The following RC3H1 variants were observed in gnomAD, a reference collection of about 807,000 sequenced individuals.
The protein encoded by RC3H1 is ring finger and CCCH-type domains 1.
Under a neutral mutation model 138.2 loss-of-function variants are expected in RC3H1, and 50 were observed. The observed-to-expected ratio is 0.36, with a 90% CI of 0.29 to 0.46. RC3H1 has a LOEUF of 0.46. Ranked by LOEUF, RC3H1 falls within the 20% of genes least tolerant of loss-of-function variation. RC3H1 has a pLI of 1.00. For synonymous variants in RC3H1, 462 were observed against 489.1 expected, an observed-to-expected ratio of 0.94 and a Z score of 0.73; for missense variants, 1,031 against 1,388.1, an observed-to-expected ratio of 0.74 and a Z score of 4.09.
intron 18 of RC3H1, among the ~76,000 whole-genome samples, chr1:173,941,826 A>G (rs56247945): frequency 0.4 from 59,855 of 151,224 alleles, 16,923 homozygotes; most frequent in African/African-American, 0.79. Context: ...CAGCTACTCA[A>G]GAGGCTGAGG....
At chr1:174,017,377 TAA>T (rs200702066) in intron 1 of RC3H1, among the ~76,000 whole-genome samples, 1,865 of 152,294 alleles carry the variant, frequency 0.012, 40 homozygotes, top group African/African-American at 0.041. Flanking sequence ...TTTTCTTCCA[TAA>T]AGAGTCCCTG....
chr1:173,967,496 T>C (rs1048394625), intron 9 of RC3H1, among the ~76,000 whole-genome samples: 12 of 152,204 alleles, frequency 7.9e-5, no homozygotes, highest in Non-Finnish European at 8.8e-5. Flanking sequence ...CAAAACCTCA[T>C]CAAATACTGG....
chr1:173,961,656 T>A lies in RC3H1; in HGVS notation c.2202+69A>T, dbSNP rs760269760. On this transcript the variant is annotated intron_variant, in intron 12 of 19. Transcript: ENST00000367696. Reference sequence around the variant, plus strand: ...TCATCAAAGGGTTATTGTCATTGCATAAAAAGTAAGGAATCACAGCAAGCA... The same window carrying A: ...TCATCAAAGGGTTATTGTCATTGCAAAAAAAGTAAGGAATCACAGCAAGCA... 4.2e-5 allele frequency: 59 copies of A among 1,417,374 alleles called. No homozygotes were observed. In the Middle Eastern group the frequency reaches 2.9e-3, roughly 70 times the overall value. The allele number at this position is 1,417,374 out of a possible 1,614,324, so 87.8% of individuals were successfully genotyped here. A position where few individuals can be genotyped will look rare whatever the true frequency, so the allele number is the denominator to read the frequency against.
intron 1 of RC3H1, among the ~76,000 whole-genome samples, chr1:174,013,029 T>A (rs6683276): frequency 0.29 from 43,899 of 151,514 alleles, 11,359 homozygotes; most frequent in African/African-American, 0.7. Context: ...AAATAAAATT[T>A]TAGAAAATTA....
intron 1 of RC3H1, among the ~76,000 whole-genome samples, chr1:174,016,422 C>CA (rs1553233951): frequency 8.5e-6 from 1 of 118,252 alleles, no homozygotes; most frequent in Non-Finnish European, 1.7e-5. Context: ...TTTAAGTTTC[C>CA]TTTTTTTTTT....
intron 1 of RC3H1, among the ~76,000 whole-genome samples, chr1:174,014,112 C>T (rs1478490656): frequency 6.6e-6 from 1 of 152,106 alleles, no homozygotes. Flanking sequence ...GTCAATGAAA[C>T]CATTCTGCAC....
Position 173,978,479 on chromosome 1 carries a change from TG to T in RC3H1, c.1102+8del. 1 of 1,612,666 alleles carries T rather than the reference TG, an allele frequency of 6.2e-7. No homozygotes were observed. Among genetic ancestry groups the T allele is most frequent in the Non-Finnish European group, 8.5e-7 (1 of 1,179,522 alleles). ...TATAAGATAGTCCATTAATTTCCCG[TG>T]GGTTTACCTGGACTAGGGTCAATGT... On this transcript the variant is annotated splice_region_variant and intron_variant, in intron 7 of 19. Coordinates refer to ENST00000367696, the MANE Select transcript of RC3H1 (RefSeq NM_172071.4).
intron 11 of RC3H1, 86 bp from the exon 12 acceptor site, chr1:173,962,181 C>A (rs1659915969): frequency 8.4e-7 from 1 of 1,197,578 alleles, no homozygotes; most frequent in Admixed American, 2.5e-5. Flanking sequence ...AATACTGAAA[C>A]ACTAAAGTAT....
At chr1:174,020,247 T>C (rs1661933870) in intron 1 of RC3H1, among the ~76,000 whole-genome samples, 1 of 152,158 alleles carries the variant, frequency 6.6e-6, no homozygotes, top group Admixed American at 6.5e-5. Flanking sequence ...TTCTCCATCA[T>C]TCAAAAAATC....
chr1:174,017,173 TC>T (rs1281943140), intron 1 of RC3H1, among the ~76,000 whole-genome samples: 2 of 152,242 alleles, frequency 1.3e-5, no homozygotes, highest in African/African-American at 2.4e-5. Context: ...ATTCCTAGTT[TC>T]TTCTATACAT....
intron 1 of RC3H1, among the ~76,000 whole-genome samples, 158 bp downstream of exon 1, chr1:174,021,938 G>T (rs1444044606): frequency 1.3e-5 from 2 of 152,222 alleles, no homozygotes; most frequent in African/African-American, 2.4e-5. Context: ...GCCGGCGGGG[G>T]CCCTGAGGAG....
At chr1:174,015,783 G>A (rs1661851908) in intron 1 of RC3H1, 1 of 152,000 alleles carries the variant, frequency 6.6e-6, no homozygotes. Context: ...CCAAAGTGGT[G>A]GGATTATAGG....
At chr1:173,979,076 T>C (rs1389105853) in intron 6 of RC3H1, among the ~76,000 whole-genome samples, 1 of 152,232 alleles carries the variant, frequency 6.6e-6, no homozygotes, top group Admixed American at 6.5e-5. Context: ...AGTTCATCCG[T>C]TGCAAAAGTC....
intron 2 of RC3H1, among the ~76,000 whole-genome samples, chr1:173,989,918 G>T (rs1661201619): frequency 6.7e-6 from 1 of 149,238 alleles, no homozygotes; most frequent in Admixed American, 6.7e-5. Context: ...AGTAGAGACG[G>T]GGTTTCACCT....
intron 1 of RC3H1, among the ~76,000 whole-genome samples, chr1:173,994,080 T>G (rs1436781492): frequency 7.7e-6 from 1 of 129,760 alleles, no homozygotes; most frequent in Admixed American, 7.9e-5. Flanking sequence ...GAGGGAAGAA[T>G]TACTGAACAA....
intron 2 of RC3H1, among the ~76,000 whole-genome samples, chr1:173,989,071 C>A (rs1267045714): frequency 6.6e-6 from 1 of 152,168 alleles, no homozygotes; most frequent in Non-Finnish European, 1.5e-5. Context: ...TTCTGTTGCC[C>A]AAGCTACAGC....
rs376668261 is a variant in RC3H1, at chr1:173,984,071, C to T, written c.353-414G>A. On this transcript the variant is annotated intron_variant, in intron 3 of 19. Transcript: ENST00000367696. ...CTTTCTGTGCAGTAATGGCAACTTC[C>T]GTATTCATTATACCGCCTATAGCAT... Among the ~76,000 whole-genome samples the T allele has an allele frequency of 9.9e-5, 15 of 152,212 alleles. No individual in the cohort carries two copies. The East Asian group carries it at 1.5e-3, about 16-fold the overall frequency.
chr1:173,960,723 T>C (rs1659835479), intron 13 of RC3H1, among the ~76,000 whole-genome samples: 1 of 152,158 alleles, frequency 6.6e-6, no homozygotes, highest in South Asian at 2.1e-4. Context: ...ACGAAGAGAA[T>C]GTGGCATCGG....
intron 9 of RC3H1, among the ~76,000 whole-genome samples, chr1:173,967,396 G>A (rs912759621): frequency 6.6e-6 from 1 of 152,112 alleles, no homozygotes; most frequent in Admixed American, 6.5e-5. Flanking sequence ...GGCAGAATGA[G>A]GTCAAAGAGC....
Sources: gnomAD v4.1 joint callset for allele counts (sites outside exome capture counted in the v4.1 genomes callset) on GRCh38, gnomAD v4.1.1 for gene constraint, MANE v1.5 for transcripts, NCBI Gene and HGNC (gene_info 2026-07-23, HGNC 2026-07-21) for gene names.